The following RAB31 variants were observed in gnomAD, a reference collection of about 807,000 sequenced individuals.
The protein encoded by RAB31 is RAB31, member RAS oncogene family, also known as ras-related protein Rab-31.
In RAB31, 21 loss-of-function variants were observed where a neutral mutation model predicts 25.6. The observed-to-expected ratio is 0.82, with a 90% confidence interval of 0.58 to 1.18. The LOEUF is 1.18. Ranked by LOEUF, RAB31 falls within the 50% of genes most tolerant of loss-of-function variation. The pLI, the probability that RAB31 is intolerant of heterozygous loss-of-function variation, is 0.00. For missense variants in RAB31, 196 were observed against 250.1 expected, an observed-to-expected ratio of 0.78 and a Z score of 1.46; for synonymous variants, 87 against 84.0, an observed-to-expected ratio of 1.04 and a Z score of -0.20.
intron 3 of RAB31, among the ~76,000 whole-genome samples, chr18:9,800,657 C>A (rs1055524949): frequency 4.6e-5 from 7 of 152,132 alleles, no homozygotes; most frequent in Admixed American, 3.9e-4. Flanking sequence ...AGCAGATGAG[C>A]CAACTTTCAT....
At chr18:9,806,774 G>A (rs183034482) in intron 3 of RAB31, among the ~76,000 whole-genome samples, 13 of 152,328 alleles carry the variant, frequency 8.5e-5, no homozygotes, top group African/African-American at 2.6e-4. Context: ...GGAATGGAGC[G>A]GGAGGTGAGA....
intron 1 of RAB31, among the ~76,000 whole-genome samples, chr18:9,709,335 T>TA (rs1300000294): frequency 6.6e-6 from 1 of 152,100 alleles, no homozygotes; most frequent in East Asian, 1.9e-4. Context: ...TTCCTTCTTC[T>TA]AAAAGAAGAG....
intron 2 of RAB31, among the ~76,000 whole-genome samples, chr18:9,776,242 C>T (rs1206520663): frequency 6.6e-6 from 1 of 152,214 alleles, no homozygotes. Context: ...TGTGCTTTGG[C>T]TCTGCTGTTC....
At chr18:9,759,539 C>CA (rs59219389) in intron 1 of RAB31, among the ~76,000 whole-genome samples, 21,686 of 145,340 alleles carry the variant, frequency 0.15, 1,597 homozygotes, top group Middle Eastern at 0.19. Flanking sequence ...ACCCTCTCAC[C>CA]AAAAAAAAAA....
At position 9,843,010 on chromosome 18, in the gene RAB31, T is replaced by C. The variant is rs532291087; in HGVS notation, c.381-2572T>C. On this transcript the variant is annotated intron_variant, in intron 5 of 6. Transcript: ENST00000578921. ...ATGTTGGGCTGTGGTACATGATAAC[T>C]GTTCTTTTGTAAGCCTAGTGAACCT... Among the ~76,000 whole-genome samples the C allele has an allele frequency of 1.4e-4, 21 of 152,350 alleles. No homozygotes were observed. The South Asian group carries it at 4.3e-3, about 32-fold the overall frequency.
chr18:9,743,644 A>G (rs2068191164), intron 1 of RAB31, among the ~76,000 whole-genome samples: 1 of 152,210 alleles, frequency 6.6e-6, no homozygotes, highest in Non-Finnish European at 1.5e-5. Flanking sequence ...CTGCGTTCTC[A>G]GGCCACATGC....
At chr18:9,742,802 T>C (rs907471942) in intron 1 of RAB31, among the ~76,000 whole-genome samples, 1 of 152,150 alleles carries the variant, frequency 6.6e-6, no homozygotes, top group Non-Finnish European at 1.5e-5. Flanking sequence ...GAGTGCTTTT[T>C]CCCCAGCGAA....
chr18:9,768,808 C>T (rs981593290), intron 1 of RAB31, among the ~76,000 whole-genome samples: 1 of 152,118 alleles, frequency 6.6e-6, no homozygotes, highest in Non-Finnish European at 1.5e-5. Flanking sequence ...TAGGTTTCTT[C>T]TAGGGTTTTG....
chr18:9,851,780 A>T (rs755060779), intron 6 of RAB31, among the ~76,000 whole-genome samples: 2 of 152,230 alleles, frequency 1.3e-5, no homozygotes, highest in Non-Finnish European at 2.9e-5. Context: ...ACATAAAAAG[A>T]TCAATCATTG....
chr18:9,748,869 C>T (rs1330010002), intron 1 of RAB31, among the ~76,000 whole-genome samples: 8 of 150,342 alleles, frequency 5.3e-5, no homozygotes, highest in East Asian at 2.0e-4. Flanking sequence ...CCAGCCTGGG[C>T]GACAGAGCGA....
At chr18:9,710,706 A>G (rs960660730) in intron 1 of RAB31, among the ~76,000 whole-genome samples, 9 of 152,074 alleles carry the variant, frequency 5.9e-5, no homozygotes, top group Non-Finnish European at 8.8e-5. Flanking sequence ...TACAAAAAAA[A>G]GTTAGCTGGG....
chr18:9,727,594 G>C (rs556052510), intron 1 of RAB31, among the ~76,000 whole-genome samples: 2 of 152,210 alleles, frequency 1.3e-5, no homozygotes, highest in African/African-American at 4.8e-5. Flanking sequence ...GGGATTATAG[G>C]CATGAACCAC....
chr18:9,843,446 T>C (rs895414118), intron 5 of RAB31, among the ~76,000 whole-genome samples: 8 of 149,650 alleles, frequency 5.3e-5, no homozygotes, highest in African/African-American at 2.0e-4. Flanking sequence ...CTCAGGAGGC[T>C]GAGGCACAAG....
intron 1 of RAB31, among the ~76,000 whole-genome samples, chr18:9,722,233 T>G (rs2068076844): frequency 6.6e-6 from 1 of 152,176 alleles, no homozygotes; most frequent in South Asian, 2.1e-4. Context: ...GGACATGATC[T>G]GACTTAGCTT....
intron 2 of RAB31, among the ~76,000 whole-genome samples, chr18:9,784,544 G>A (rs2068422050): frequency 7.1e-6 from 1 of 141,668 alleles, no homozygotes; most frequent in South Asian, 2.3e-4. Context: ...GAAATGGAAA[G>A]ATTTTAGGTG....
intron 1 of RAB31, among the ~76,000 whole-genome samples, chr18:9,748,184 G>A (rs1465966708): frequency 6.6e-6 from 1 of 152,168 alleles, no homozygotes; most frequent in Non-Finnish European, 1.5e-5. Context: ...AGCAGTGTAG[G>A]GAGAAAATAC....
At chr18:9,720,775 G>C (rs1437052421) in intron 1 of RAB31, among the ~76,000 whole-genome samples, 1 of 151,972 alleles carries the variant, frequency 6.6e-6, no homozygotes, top group African/African-American at 2.4e-5. Flanking sequence ...AGGGGACAAG[G>C]AGATGCTTGA....
intron 1 of RAB31, among the ~76,000 whole-genome samples, chr18:9,741,559 C>T (rs564372358): frequency 1.3e-5 from 2 of 152,154 alleles, no homozygotes; most frequent in East Asian, 1.9e-4. Context: ...ACCATCTGTC[C>T]AGTGGGAAGT....
chr18:9,818,396 G>A (rs1050475411), intron 5 of RAB31, among the ~76,000 whole-genome samples: 1 of 152,060 alleles, frequency 6.6e-6, no homozygotes, highest in East Asian at 1.9e-4. Context: ...TCCAGCCCTG[G>A]TAATCACTAA....
Sources: gnomAD v4.1 joint callset for allele counts (sites outside exome capture counted in the v4.1 genomes callset) on GRCh38, gnomAD v4.1.1 for gene constraint, MANE v1.5 for transcripts, NCBI Gene and HGNC (gene_info 2026-07-23, HGNC 2026-07-21) for gene names.